Variants in CCDC66 observed in about 807,000 individuals in gnomAD.
CCDC66 encodes coiled-coil domain-containing protein 66.
In CCDC66, 133 loss-of-function variants were observed where a neutral mutation model predicts 128.3. The ratio of observed to expected loss-of-function variants is 1.04; its 90% CI spans 0.90 to 1.20. The LOEUF is 1.20. Among genes scored for constraint, CCDC66 ranks in the 50% most tolerant of loss-of-function variants. The pLI, the probability that CCDC66 is intolerant of heterozygous loss-of-function variation, is 0.00. For missense variants in CCDC66, 1,126 were observed against 1,075.5 expected (o/e 1.05, Z -0.66); for synonymous variants, 387 against 357.0 (o/e 1.08, Z -0.95).
chr3:56,608,681 G>C lies in CCDC66; in HGVS notation c.1405-4908G>C, dbSNP rs141922669. 1.9e-3 allele frequency among the ~76,000 whole-genome samples: 290 copies of C among 152,192 alleles called. 1 individual carries two copies. Among genetic ancestry groups the C allele is most frequent in the Non-Finnish European group, 2.9e-3 (194 of 67,998 alleles). On this transcript the variant is annotated intron_variant, in intron 10 of 17. Coordinates refer to ENST00000394672, the MANE Select transcript of CCDC66 (RefSeq NM_001141947.3). ...TTTGTTCTTGTTTCTCCATTTCCTT[G>C]AGGTGTGACCTTAGATTGTCTGTCT...
At chr3:56,599,305 C>T (rs1019373432) in intron 10 of CCDC66, among the ~76,000 whole-genome samples, 9 of 151,796 alleles carry the variant, frequency 5.9e-5, no homozygotes, top group Non-Finnish European at 1.0e-4. Flanking sequence ...CTTCTCTCTT[C>T]GGTTCTTGGT....
chr3:56,591,584 T>G (rs1477330740), intron 7 of CCDC66, among the ~76,000 whole-genome samples: 2 of 152,230 alleles, frequency 1.3e-5, no homozygotes, highest in East Asian at 3.8e-4. Flanking sequence ...GGCCACAGGT[T>G]GGACAATGCT....
At position 56,593,573 on chromosome 3, in the gene CCDC66, C is replaced by A; in HGVS notation, c.1151C>A (p.Ser384Ter). The change falls in exon 9 of 18, where the codon TCA (serine) becomes TAA (stop). Residue 384 changes from serine (S) to a stop codon, truncating the protein, a stop_gained. Coordinates refer to ENST00000394672, the MANE Select transcript of CCDC66 (RefSeq NM_001141947.3). LOFTEE classifies it high-confidence loss of function. ...TCTCAATCTCAGCTGTTCTCTCAGT[C>A]AACACACAAACAACCTGAGTACTTC... ...PGSQSQLFSQ[S>*]THKQPEYFCV... The A allele has an allele frequency of 1.2e-6, 2 of 1,614,132 alleles. No individual in the cohort carries two copies. Among genetic ancestry groups the A allele is most frequent in the South Asian group, 2.2e-5 (2 of 91,062 alleles).
intron 10 of CCDC66, among the ~76,000 whole-genome samples, chr3:56,609,902 C>T (rs1004302979): frequency 2.0e-5 from 3 of 152,110 alleles, no homozygotes; most frequent in Non-Finnish European, 4.4e-5. Context: ...AGATAGGGCC[C>T]CAATCTCTTC....
intron 7 of CCDC66, among the ~76,000 whole-genome samples, chr3:56,588,767 A>G (rs905834651): frequency 1.3e-5 from 2 of 152,236 alleles, no homozygotes; most frequent in Non-Finnish European, 2.9e-5. Flanking sequence ...CAAATGTTTG[A>G]TAATTAGGCA....
At chr3:56,587,118 T>G (rs2106827457) in intron 7 of CCDC66, among the ~76,000 whole-genome samples, 1 of 151,980 alleles carries the variant, frequency 6.6e-6, no homozygotes, top group African/African-American at 2.4e-5. Flanking sequence ...GAAAATAAAT[T>G]TCAAGTCCTA....
chr3:56,593,553 A>G lies in CCDC66; in HGVS notation c.1131A>G (p.Gln377=). Residue 377 remains glutamine, a synonymous_variant, in exon 9 of 18, where the codon CAA becomes CAG. Coordinates refer to ENST00000394672, the MANE Select transcript of CCDC66 (RefSeq NM_001141947.3). ...FDSLKSYPGS[Q]SQLFSQSTHK... is the part of the protein sequence containing the mutation. ...CATTAAAGAGTTATCCTGGTTCTCAATCTCAGCTGTTCTCTCAGTCAACAC... is the reference window on the plus strand; with the variant it reads ...CATTAAAGAGTTATCCTGGTTCTCAGTCTCAGCTGTTCTCTCAGTCAACAC... 1.9e-6 allele frequency: 3 copies of G among 1,614,126 alleles called. No individual in the cohort carries two copies. Among genetic ancestry groups the G allele is most frequent in the Non-Finnish European group, 2.5e-6 (3 of 1,179,988 alleles).
At chr3:56,565,331 T>C in intron 4 of CCDC66, 1 of 175,498 alleles carries the variant, frequency 5.7e-6, no homozygotes, top group Non-Finnish European at 1.2e-5. Flanking sequence ...TGGAGTGCAG[T>C]GGCACGATCT....
intron 7 of CCDC66, among the ~76,000 whole-genome samples, chr3:56,578,770 A>G (rs1437064402): frequency 6.6e-6 from 1 of 151,856 alleles, no homozygotes; most frequent in Non-Finnish European, 1.5e-5. Context: ...CAACTTGATC[A>G]TGGTGGATAA....
intron 7 of CCDC66, among the ~76,000 whole-genome samples, chr3:56,584,244 C>T (rs1322381180): frequency 3.4e-5 from 5 of 148,980 alleles, no homozygotes; most frequent in Non-Finnish European, 5.9e-5. Flanking sequence ...AGGGGCTCCT[C>T]ACTTCTCAGA....
chr3:56,584,058 C>T (rs1269918311), intron 7 of CCDC66, among the ~76,000 whole-genome samples: 7 of 115,876 alleles, frequency 6.0e-5, no homozygotes, highest in African/African-American at 1.8e-4. Flanking sequence ...GCTGGCCGGG[C>T]GGGGGCTGCC....
Position 56,601,445 on chromosome 3 carries a change from TG to T in CCDC66, c.1404+7419del, listed in dbSNP as rs560357458. Among the ~76,000 whole-genome samples, 580 of 152,224 alleles carry T rather than the reference TG, an allele frequency of 3.8e-3. 13 individuals carry two copies. Among genetic ancestry groups the T allele is most frequent in the African/African-American group, 0.014 (562 of 41,472 alleles). On this transcript the variant is annotated intron_variant, in intron 10 of 17. Transcript: ENST00000394672. ...TTGTTCTTTTTGGTTAGGATTGTGTTGGCTGTTTGGGCTGTTTTTTGATTCC... is the reference window on the plus strand; with the variant it reads ...TTGTTCTTTTTGGTTAGGATTGTGTTGCTGTTTGGGCTGTTTTTTGATTCC...
chr3:56,576,942 G>A (rs893684039), intron 7 of CCDC66, among the ~76,000 whole-genome samples: 1 of 151,754 alleles, frequency 6.6e-6, no homozygotes, highest in Non-Finnish European at 1.5e-5. Flanking sequence ...ACCCAGTAAT[G>A]GGATGGCTGG....
intron 4 of CCDC66, among the ~76,000 whole-genome samples, chr3:56,564,751 T>G (rs567706083): frequency 6.6e-6 from 1 of 152,172 alleles, no homozygotes; most frequent in Admixed American, 6.5e-5. Flanking sequence ...AATAGAAATA[T>G]CTAAAATTTT....
chr3:56,584,133 C>T (rs563658641), intron 7 of CCDC66, among the ~76,000 whole-genome samples: 1,525 of 104,262 alleles, frequency 0.015, 35 homozygotes, highest in African/African-American at 0.049. Context: ...CCCTCCCGGA[C>T]GGGGCGGCTG....
At chr3:56,579,782 TA>T (rs1435807038) in intron 7 of CCDC66, among the ~76,000 whole-genome samples, 2 of 151,920 alleles carry the variant, frequency 1.3e-5, no homozygotes, top group African/African-American at 4.8e-5. Context: ...GATAGTTTGT[TA>T]AAATTTCTGT....
intron 10 of CCDC66, among the ~76,000 whole-genome samples, chr3:56,613,119 A>T (rs564504520): frequency 6.6e-6 from 1 of 152,256 alleles, no homozygotes; most frequent in South Asian, 2.1e-4. Context: ...CTGGGCTCTC[A>T]AAATAGTGCC....
At chr3:56,612,359 T>A (rs2074958031) in intron 10 of CCDC66, among the ~76,000 whole-genome samples, 1 of 152,172 alleles carries the variant, frequency 6.6e-6, no homozygotes, top group Non-Finnish European at 1.5e-5. Flanking sequence ...GGTAAAGTTT[T>A]GTTGTGAACG....
chr3:56,614,931 T>C (rs1338123802), intron 11 of CCDC66, among the ~76,000 whole-genome samples, 197 bp from the exon 12 acceptor site: 1 of 152,218 alleles, frequency 6.6e-6, no homozygotes, highest in East Asian at 1.9e-4. Flanking sequence ...ATATTTGTGA[T>C]TGAATACAGC....
Sources: gnomAD v4.1 joint callset for allele counts (sites outside exome capture counted in the v4.1 genomes callset) on GRCh38, gnomAD v4.1.1 for gene constraint, MANE v1.5 for transcripts, NCBI Gene and HGNC (gene_info 2026-07-23, HGNC 2026-07-21) for gene names.